The following FAM120A variants were observed in gnomAD, a reference collection of about 807,000 sequenced individuals.
FAM120A encodes the protein constitutive coactivator of PPAR-gamma-like protein 1.
A neutral mutation model predicts 109.7 loss-of-function variants in FAM120A; 15 were observed. That is an observed-to-expected ratio of 0.14 (90% confidence interval 0.09 to 0.21). FAM120A has a LOEUF of 0.21. Among genes scored for constraint, FAM120A ranks in the 10% least tolerant of loss-of-function variants. The pLI is 1.00. For missense variants in FAM120A, 899 were observed against 1,439.3 expected, an observed-to-expected ratio of 0.62 and a Z score of 6.07; for synonymous variants, 493 against 572.8, an observed-to-expected ratio of 0.86 and a Z score of 1.99.
At chr9:93,548,166 T>C (rs1052455155) in intron 11 of FAM120A, among the ~76,000 whole-genome samples, 2 of 152,050 alleles carry the variant, frequency 1.3e-5, no homozygotes, top group African/African-American at 4.8e-5. Flanking sequence ...AGTGCAGTGG[T>C]GCCATCTCGG....
chr9:93,485,379 T>G (rs986863380), intron 3 of FAM120A, among the ~76,000 whole-genome samples: 1 of 152,008 alleles, frequency 6.6e-6, no homozygotes, highest in Non-Finnish European at 1.5e-5. Context: ...GAAGATCACT[T>G]GAGTTCAGGA....
Position 93,564,337 on chromosome 9 carries a change from AACG to A in FAM120A, c.3155_3157del (p.Asn1052_Gly1053delinsArg). 1 of 1,614,246 alleles carries A rather than the reference AACG, an allele frequency of 6.2e-7. No homozygotes were observed. On this transcript the variant is annotated inframe_deletion, in exon 18 of 18. Transcript: ENST00000277165. ...GTCTTCAGACGGGTCCCTGGCTGAA[AACG>A]GAGTGATGGCCGAGGAGAAGCCGGC...
At chr9:93,485,831 T>C (rs1028398073) in intron 3 of FAM120A, among the ~76,000 whole-genome samples, 1 of 149,386 alleles carries the variant, frequency 6.7e-6, no homozygotes, top group Non-Finnish European at 1.5e-5. Flanking sequence ...ACCACTAATA[T>C]GACTTCTGTC....
intron 1 of FAM120A, among the ~76,000 whole-genome samples, chr9:93,465,035 A>T (rs1857956164): frequency 6.7e-6 from 1 of 149,058 alleles, no homozygotes; most frequent in Non-Finnish European, 1.5e-5. Context: ...GTGAGAGAGT[A>T]GCTTAGTATA....
chr9:93,540,681 A>C (rs557409178), intron 10 of FAM120A, among the ~76,000 whole-genome samples: 60 of 152,204 alleles, frequency 3.9e-4, no homozygotes, highest in African/African-American at 1.4e-3. Flanking sequence ...TCTGAGCTCT[A>C]ATGTGGAGAG....
At chr9:93,481,444 C>T (rs1858801226) in intron 3 of FAM120A, among the ~76,000 whole-genome samples, 1 of 152,100 alleles carries the variant, frequency 6.6e-6, no homozygotes, top group Non-Finnish European at 1.5e-5. Context: ...CTTTTTGTCA[C>T]TTGGGTGTTC....
intron 8 of FAM120A, among the ~76,000 whole-genome samples, chr9:93,528,639 A>G (rs7035504): frequency 0.55 from 82,931 of 152,012 alleles, 23,133 homozygotes; most frequent in African/African-American, 0.64. Flanking sequence ...TGTTTTCACC[A>G]AACAGTGTAT....
At chr9:93,544,568 A>G (rs1046074597) in intron 11 of FAM120A, among the ~76,000 whole-genome samples, 2 of 152,258 alleles carry the variant, frequency 1.3e-5, no homozygotes, top group African/African-American at 2.4e-5. Flanking sequence ...GAAAAGTTGC[A>G]AGTACAATAC....
intron 9 of FAM120A, chr9:93,530,439 G>A (rs898501177): frequency 4.6e-5 from 7 of 152,120 alleles, no homozygotes; most frequent in African/African-American, 1.7e-4. Context: ...CCCATCTGTG[G>A]TTTGTAAAAT....
intron 17 of FAM120A, among the ~76,000 whole-genome samples, chr9:93,563,438 T>G (rs79847656): frequency 0.03 from 4,541 of 152,332 alleles, 109 homozygotes; most frequent in African/African-American, 0.05. Context: ...GTGTGGGCAC[T>G]GGATTTTAAT....
chr9:93,518,372 C>A (rs888044538), intron 7 of FAM120A, among the ~76,000 whole-genome samples: 1 of 152,050 alleles, frequency 6.6e-6, no homozygotes, highest in Non-Finnish European at 1.5e-5. Context: ...ATAATGTGCC[C>A]CTTAGGCTGT....
chr9:93,475,757 G>C (rs1858521886), intron 2 of FAM120A, among the ~76,000 whole-genome samples: 1 of 152,134 alleles, frequency 6.6e-6, no homozygotes, highest in African/African-American at 2.4e-5. Flanking sequence ...TATGGGAGAA[G>C]GGTGTTGATT....
chr9:93,558,842 G>T, intron 15 of FAM120A, 124 bp downstream of exon 15: 1 of 1,131,776 alleles, frequency 8.8e-7, no homozygotes, highest in Non-Finnish European at 1.2e-6. Flanking sequence ...CCTTTCTTCT[G>T]GGTCCCCGCT....
chr9:93,516,396 G>A, intron 7 of FAM120A, 127 bp downstream of exon 7: 1 of 1,336,998 alleles, frequency 7.5e-7, no homozygotes, highest in East Asian at 2.4e-5. Context: ...GTGATGGTCA[G>A]TCTGTACTCA....
chr9:93,452,693 TC>T lies in FAM120A; in HGVS notation c.474+306del. Reference sequence around the variant, plus strand: ...GGCGACAGTGTCATCATCCCCAATATCCTTAGTTTTTCCCATCCTATTTGAG... The same window carrying T: ...GGCGACAGTGTCATCATCCCCAATATCTTAGTTTTTCCCATCCTATTTGAG... On this transcript the variant is annotated intron_variant, in intron 1 of 17. Transcript: ENST00000277165. The surrounding 1 kb of genome is among the most constrained non-coding windows in gnomAD (Gnocchi z 7.0). 1 of 1,598,552 alleles carries T rather than the reference TC, an allele frequency of 6.3e-7. No homozygotes were observed.
intron 8 of FAM120A, among the ~76,000 whole-genome samples, 158 bp from the exon 9 acceptor site, chr9:93,529,195 T>G (rs904553635): frequency 6.6e-6 from 1 of 152,158 alleles, no homozygotes; most frequent in Non-Finnish European, 1.5e-5. Flanking sequence ...GCTCTCTGTT[T>G]CCTCTGTCTT....
At chr9:93,501,215 T>C (rs1197994413) in intron 5 of FAM120A, among the ~76,000 whole-genome samples, 1 of 152,158 alleles carries the variant, frequency 6.6e-6, no homozygotes, top group Non-Finnish European at 1.5e-5. Flanking sequence ...AGAGTGTACT[T>C]GGGACTGGAA....
rs188520294 is a variant in FAM120A, at chr9:93,481,566, A to T, written c.804+5228A>T. Among the ~76,000 whole-genome samples the T allele has an allele frequency of 4.1e-3, 617 of 152,102 alleles. 4 individuals carry two copies. Among genetic ancestry groups the T allele is most frequent in the African/African-American group, 0.014 (580 of 41,476 alleles). On this transcript the variant is annotated intron_variant, in intron 3 of 17. Coordinates refer to ENST00000277165, the MANE Select transcript of FAM120A (RefSeq NM_014612.5). ...TTTGTGTTCCTTAACTTCATATTCAATTTCATATATTTTGAGTTTCCATCC... is the reference window on the plus strand; with the variant it reads ...TTTGTGTTCCTTAACTTCATATTCATTTTCATATATTTTGAGTTTCCATCC...
intron 5 of FAM120A, among the ~76,000 whole-genome samples, chr9:93,511,068 C>G (rs1379199564): frequency 3.3e-5 from 5 of 151,492 alleles, no homozygotes; most frequent in Non-Finnish European, 7.4e-5. Flanking sequence ...TGTTGAACTG[C>G]TCTCATTCTT....
Sources: allele counts gnomAD v4.1 joint callset (sites outside exome capture counted in the v4.1 genomes callset), GRCh38; gene constraint gnomAD v4.1.1; non-coding constraint Gnocchi (gnomAD v3.1); transcripts MANE v1.5; gene names NCBI Gene and HGNC (gene_info 2026-07-23, HGNC 2026-07-21).